Variants in AGXT2 observed in about 807,000 individuals in gnomAD.
The protein encoded by AGXT2 is alanine--glyoxylate aminotransferase 2, also known as alanine--glyoxylate aminotransferase 2, mitochondrial.
A neutral mutation model predicts 62.5 loss-of-function variants in AGXT2; 61 were observed. The observed-to-expected ratio is 0.98, with a 90% CI of 0.79 to 1.21. The LOEUF is 1.21. Among genes scored for constraint, AGXT2 ranks in the 50% most tolerant of loss-of-function variants. The probability of loss-of-function intolerance (pLI) is 0.00; values close to 1 mark genes in which losing one functional copy is unlikely to be tolerated. For missense variants in AGXT2, 666 were observed against 641.5 expected, an observed-to-expected ratio of 1.04 and a Z score of -0.41; for synonymous variants, 243 against 218.7, an observed-to-expected ratio of 1.11 and a Z score of -0.98.
At chr5:35,021,724 G>T (rs1767099927) in intron 9 of AGXT2, among the ~76,000 whole-genome samples, 1 of 152,040 alleles carries the variant, frequency 6.6e-6, no homozygotes, top group Non-Finnish European at 1.5e-5. Context: ...TTGACAAATG[G>T]GATCTAATTA....
chr5:35,047,365 C>G (rs1035610596), intron 1 of AGXT2, among the ~76,000 whole-genome samples: 1 of 152,126 alleles, frequency 6.6e-6, no homozygotes, highest in East Asian at 1.9e-4. Flanking sequence ...ATTATTTGAG[C>G]CTTGGAGGTC....
chr5:35,037,338 G>C (rs1767815271), intron 3 of AGXT2, among the ~76,000 whole-genome samples: 1 of 152,324 alleles, frequency 6.6e-6, no homozygotes, highest in African/African-American at 2.4e-5. Context: ...TAGTTTAGGA[G>C]GAAGTTTGGG....
intron 13 of AGXT2, among the ~76,000 whole-genome samples, chr5:35,002,921 A>G (rs1339773026): frequency 1.3e-5 from 2 of 152,232 alleles, no homozygotes; most frequent in Non-Finnish European, 2.9e-5. Flanking sequence ...TGTGAGAGGC[A>G]GGGATGGAGC....
chr5:35,015,293 G>A (rs1172701633), intron 9 of AGXT2, among the ~76,000 whole-genome samples: 1 of 152,296 alleles, frequency 6.6e-6, no homozygotes, highest in East Asian at 1.9e-4. Context: ...CTAGCACAGT[G>A]CCTGATACAA....
At chr5:35,026,917 T>C (rs1406086952) in intron 7 of AGXT2, 1 of 985,008 alleles carries the variant, frequency 1.0e-6, no homozygotes, top group Non-Finnish European at 1.2e-6. Context: ...TATTTACCTT[T>C]CATTGCCATT....
chr5:35,012,983 C>T lies in AGXT2; in HGVS notation c.1159G>A (p.Ala387Thr). Residue 387 changes from alanine to threonine, a missense_variant, in exon 11 of 14, where the codon GCC becomes ACC. Coordinates refer to ENST00000231420, the MANE Select transcript of AGXT2 (RefSeq NM_031900.4). ...HFNTFGGNPM[A>T]CAIGSAVLEV... ...AGCACAGCAGATCCAATGGCACAGG[C>T]CATGGGGTTCCCTCCAAAGGTGTTG... The T allele has an allele frequency of 6.4e-7, 1 of 1,551,722 alleles. No individual in the cohort carries two copies. The highest frequency in any genetic ancestry group is 8.7e-7 in the Non-Finnish European group (1 of 1,147,006).
intron 2 of AGXT2, among the ~76,000 whole-genome samples, chr5:35,039,789 T>C (rs1767914818): frequency 6.6e-6 from 1 of 152,176 alleles, no homozygotes; most frequent in South Asian, 2.1e-4. Context: ...TGATTTTAAC[T>C]ATGAAAAAAA....
At chr5:35,044,975 T>C (rs1048483240) in intron 1 of AGXT2, among the ~76,000 whole-genome samples, 1 of 152,214 alleles carries the variant, frequency 6.6e-6, no homozygotes, top group Non-Finnish European at 1.5e-5. Flanking sequence ...TGACTTTTTG[T>C]GCCCTCCTTC....
At chr5:34,999,394 G>A (rs1766145782) in intron 13 of AGXT2, among the ~76,000 whole-genome samples, 1 of 152,212 alleles carries the variant, frequency 6.6e-6, no homozygotes, top group Middle Eastern at 3.4e-3. Context: ...AGCTCAGAAC[G>A]CAGAGTTGAA....
chr5:35,001,834 T>A (rs1217701781), intron 13 of AGXT2, among the ~76,000 whole-genome samples: 1 of 152,198 alleles, frequency 6.6e-6, no homozygotes, highest in African/African-American at 2.4e-5. Flanking sequence ...CTTGAATATC[T>A]TTTAAAAAAT....
chr5:35,023,904 T>C lies in AGXT2; in HGVS notation c.963+1859A>G, dbSNP rs1767221386. On this transcript the variant is annotated intron_variant, in intron 9 of 13. Transcript: ENST00000231420. ...ATTTATTTATTTATTTATTTATTTA[T>C]TTATTTTGAGATGGAGTTTTGCTCC... Among the ~76,000 whole-genome samples the C allele has an allele frequency of 2.8e-5, 3 of 106,852 alleles. 1 individual carries two copies. The highest frequency in any genetic ancestry group is 6.1e-4 in the South Asian group (2 of 3,294). The allele number at this position is 106,852 out of a possible 152,430, so 70.1% of individuals were successfully genotyped here.
chr5:35,013,205 G>A (rs565446562), intron 10 of AGXT2, among the ~76,000 whole-genome samples, 160 bp from the exon 11 acceptor site: 12 of 152,248 alleles, frequency 7.9e-5, no homozygotes, highest in Middle Eastern at 3.4e-3. Flanking sequence ...GAATTGTATC[G>A]CCTCAAAATT....
At chr5:35,043,739 G>A (rs1768075344) in intron 1 of AGXT2, among the ~76,000 whole-genome samples, 1 of 152,094 alleles carries the variant, frequency 6.6e-6, no homozygotes, top group Admixed American at 6.5e-5. Flanking sequence ...GGTCTTACAT[G>A]GAGTGCAGTG....
Position 35,025,752 on chromosome 5 carries a change from A to T in AGXT2, c.963+11T>A, listed in dbSNP as rs1486066292. 1 of 1,613,476 alleles carries T rather than the reference A, an allele frequency of 6.2e-7. No individual in the cohort carries two copies. The highest frequency in any genetic ancestry group is 1.3e-5 in the African/African-American group (1 of 74,894). ...CCACTGCACTCAATGGCACCCTTACATGCCACTTACTTCATCTGCAATGCA... is the reference window on the plus strand; with the variant it reads ...CCACTGCACTCAATGGCACCCTTACTTGCCACTTACTTCATCTGCAATGCA... On this transcript the variant is annotated intron_variant, in intron 9 of 13. Transcript: ENST00000231420.
intron 11 of AGXT2, among the ~76,000 whole-genome samples, chr5:35,012,145 G>A (rs1766667487): frequency 6.6e-6 from 1 of 151,978 alleles, no homozygotes; most frequent in African/African-American, 2.4e-5. Context: ...CACTACTTGG[G>A]TGACAGTGCA....
At chr5:35,009,572 G>A (rs145604496) in intron 12 of AGXT2, among the ~76,000 whole-genome samples, 1 of 152,188 alleles carries the variant, frequency 6.6e-6, no homozygotes, top group African/African-American at 2.4e-5. Context: ...CTCCCAGCCT[G>A]GGTGACAGAG....
At chr5:35,027,085 T>C in intron 7 of AGXT2, 4 of 850,748 alleles carry the variant, frequency 4.7e-6, no homozygotes, top group Non-Finnish European at 5.7e-6. Flanking sequence ...GTGCTTGTTT[T>C]TAACAGGACT....
In AGXT2 at chr5:35,013,987, C is replaced by G; in HGVS notation, c.1096G>C (p.Glu366Gln). 6.2e-7 allele frequency: 1 copy of G among 1,614,018 alleles called. No individual in the cohort carries two copies. Among genetic ancestry groups the G allele is most frequent in the Non-Finnish European group, 8.5e-7 (1 of 1,179,966 alleles). Residue 366 changes from glutamate to glutamine, a missense_variant and splice_region_variant, in exon 10 of 14, where the codon GAG (glutamate) becomes CAG (glutamine). Coordinates refer to ENST00000231420, the MANE Select transcript of AGXT2 (RefSeq NM_031900.4). The part of the protein sequence containing the change: ...FPMAAVITTP[E>Q]IAKSLAKCLQ... ...AACACAAACTGCCTGTGGGTCCTAC[C>G]TGGAGTGGTTATGACTGCTGCCATG... is the stretch of plus-strand genomic sequence containing the variant.
At chr5:35,042,815 T>G (rs575145931) in intron 1 of AGXT2, among the ~76,000 whole-genome samples, 1 of 151,606 alleles carries the variant, frequency 6.6e-6, no homozygotes, top group East Asian at 1.9e-4. Flanking sequence ...GAGATTAGGA[T>G]TAATAAAACT....
Sources: gnomAD v4.1 joint callset for allele counts (sites outside exome capture counted in the v4.1 genomes callset) on GRCh38, gnomAD v4.1.1 for gene constraint, MANE v1.5 for transcripts, NCBI Gene and HGNC (gene_info 2026-07-23, HGNC 2026-07-21) for gene names.